The following CSMD1 variants were observed in gnomAD, a reference collection of about 807,000 sequenced individuals.
The protein encoded by CSMD1 is CUB and Sushi multiple domains 1, also known as CUB and sushi domain-containing protein 1.
A neutral mutation model predicts 417.5 loss-of-function variants in CSMD1; 213 were observed. The ratio of observed to expected loss-of-function variants is 0.51; its 90% CI spans 0.46 to 0.57. The LOEUF (loss-of-function observed/expected upper bound fraction) is 0.57. Ranked by LOEUF, CSMD1 falls within the 20% of genes least tolerant of loss-of-function variation. The pLI, the probability that CSMD1 is intolerant of heterozygous loss-of-function variation, is 0.00. For synonymous variants in CSMD1, 2,862 were observed against 1,736.8 expected, an observed-to-expected ratio of 1.65 and a Z score of -16.11; for missense variants, 6,923 against 4,529.7, an observed-to-expected ratio of 1.53 and a Z score of -15.17.
intron 1 of CSMD1, among the ~76,000 whole-genome samples, chr8:4,966,673 T>A (rs1222941050): frequency 2.6e-5 from 4 of 152,192 alleles, no homozygotes; most frequent in African/African-American, 7.2e-5. Flanking sequence ...TTAAAATTTA[T>A]AATTAAGTTC....
intron 3 of CSMD1, among the ~76,000 whole-genome samples, chr8:4,400,486 C>T (rs1804571926): frequency 6.6e-6 from 1 of 152,194 alleles, no homozygotes; most frequent in Admixed American, 6.5e-5. Flanking sequence ...TTCTTGTGTT[C>T]AGCAACATCA....
At chr8:4,486,232 T>TAC (rs1801403898) in intron 2 of CSMD1, among the ~76,000 whole-genome samples, 1 of 17,160 alleles carries the variant, frequency 5.8e-5, no homozygotes, top group African/African-American at 2.4e-4. Context: ...TATACATACA[T>TAC]ATATATATAT....
At chr8:4,417,396 G>T (rs1409090475) in intron 3 of CSMD1, among the ~76,000 whole-genome samples, 1 of 151,808 alleles carries the variant, frequency 6.6e-6, no homozygotes, top group African/African-American at 2.4e-5. Flanking sequence ...TATTCCCAAG[G>T]TTATCATGTT....
intron 10 of CSMD1, among the ~76,000 whole-genome samples, chr8:3,569,311 T>C (rs570686175): frequency 1.3e-5 from 2 of 152,206 alleles, no homozygotes; most frequent in Admixed American, 6.5e-5. Flanking sequence ...GATGCTAAGA[T>C]TCCGCAAGTA....
rs568154141 is a variant in CSMD1 at position 3,447,458 on chromosome 8, T to C, written c.1561+21254A>G. ...TTTAGATAAAGTGGAAAATGAAAAG[T>C]ATTTAGGGTAAGAGCGATGCATATT... On this transcript the variant is annotated intron_variant, in intron 12 of 69. Transcript: ENST00000635120. Among the ~76,000 whole-genome samples, 5 of 152,052 alleles carry C rather than the reference T, an allele frequency of 3.3e-5. 1 individual carries two copies. In the South Asian group the frequency reaches 1.0e-3, roughly 32 times the overall value.
intron 1 of CSMD1, among the ~76,000 whole-genome samples, chr8:4,758,153 T>G (rs964895676): frequency 2.6e-5 from 4 of 152,078 alleles, no homozygotes; most frequent in African/African-American, 9.7e-5. Context: ...GGTGGTGTTT[T>G]TCTGCTTGGA....
At chr8:3,039,347 C>G (rs1345783543) in intron 50 of CSMD1, among the ~76,000 whole-genome samples, 1 of 147,506 alleles carries the variant, frequency 6.8e-6, no homozygotes, top group African/African-American at 2.5e-5. Flanking sequence ...TCCTTTCCGC[C>G]TTCCTTCCTT....
rs550648207 is a variant in CSMD1, at chr8:3,456,533, A to C, written c.1561+12179T>G. 2.2e-4 allele frequency among the ~76,000 whole-genome samples: 34 copies of C among 152,266 alleles called. 1 individual carries two copies. The South Asian group carries it at 7.0e-3, about 32-fold the overall frequency. On this transcript the variant is annotated intron_variant, in intron 12 of 69. Coordinates refer to ENST00000635120, the MANE Select transcript of CSMD1 (RefSeq NM_033225.6). ...TCACCATGTGCTTTGTGGTTATCTA[A>C]GTTGGCGCAGTTTTTCACTTAGCAT...
chr8:4,203,199 C>T (rs907249649), intron 3 of CSMD1, among the ~76,000 whole-genome samples: 1 of 152,166 alleles, frequency 6.6e-6, no homozygotes, highest in Non-Finnish European at 1.5e-5. Flanking sequence ...GAGATGCAAC[C>T]TTGCTGGCTT....
chr8:4,363,873 G>T (rs745842186), intron 3 of CSMD1, among the ~76,000 whole-genome samples: 18 of 152,172 alleles, frequency 1.2e-4, no homozygotes, highest in Non-Finnish European at 2.4e-4. Flanking sequence ...CATGGACATA[G>T]AGAGTAAAGG....
intron 3 of CSMD1, among the ~76,000 whole-genome samples, chr8:4,206,098 G>C (rs1176619253): frequency 6.6e-6 from 1 of 152,098 alleles, no homozygotes; most frequent in African/African-American, 2.4e-5. Context: ...GAGTAAATAG[G>C]ATAAACAACG....
At chr8:3,904,193 T>C (rs190305539) in intron 5 of CSMD1, among the ~76,000 whole-genome samples, 26 of 152,336 alleles carry the variant, frequency 1.7e-4, no homozygotes, top group Non-Finnish European at 2.8e-4. Flanking sequence ...AACCGGCCTG[T>C]GTCTCATTCT....
intron 7 of CSMD1, among the ~76,000 whole-genome samples, chr8:3,666,562 C>T (rs573619782): frequency 2.6e-5 from 4 of 152,154 alleles, no homozygotes; most frequent in African/African-American, 9.6e-5. Context: ...TGGCTGTGTC[C>T]CCACCCAAAT....
intron 1 of CSMD1, among the ~76,000 whole-genome samples, chr8:4,799,876 A>C (rs1798182860): frequency 6.6e-6 from 1 of 152,154 alleles, no homozygotes; most frequent in Non-Finnish European, 1.5e-5. Flanking sequence ...AAAGTACTCA[A>C]ACATTCAACA....
chr8:3,981,507 A>AT (rs1813864805), intron 5 of CSMD1, among the ~76,000 whole-genome samples: 1 of 86,560 alleles, frequency 1.2e-5, no homozygotes, highest in Non-Finnish European at 2.5e-5. Context: ...AAGTAAAAAA[A>AT]AAAAAAAAAA....
rs566487789 is a variant in CSMD1, at chr8:4,405,677, G to C, written c.415+14276C>G. ...CCTCGCATGAGACACATCACTCATCGCTAAGCTCCATAAAACAGGATGTGT... is the reference window on the plus strand; with the variant it reads ...CCTCGCATGAGACACATCACTCATCCCTAAGCTCCATAAAACAGGATGTGT... On this transcript the variant is annotated intron_variant, in intron 3 of 69. Coordinates refer to ENST00000635120, the MANE Select transcript of CSMD1 (RefSeq NM_033225.6). Among the ~76,000 whole-genome samples the C allele has an allele frequency of 5.9e-5, 9 of 152,214 alleles. No individual in the cohort carries two copies. In the East Asian group the frequency reaches 1.4e-3, roughly 23 times the overall value.
intron 7 of CSMD1, among the ~76,000 whole-genome samples, chr8:3,637,172 G>C (rs1022505504): frequency 6.6e-6 from 1 of 152,096 alleles, no homozygotes; most frequent in Admixed American, 6.5e-5. Context: ...AATTAACTAG[G>C]ACAATTGTTT....
At chr8:3,608,965 C>A (rs752410114) in intron 8 of CSMD1, among the ~76,000 whole-genome samples, 1 of 152,092 alleles carries the variant, frequency 6.6e-6, no homozygotes, top group Non-Finnish European at 1.5e-5. Context: ...TCAACCATAC[C>A]TTGACTCCTC....
At chr8:2,962,742 T>C (rs1437139535) in intron 60 of CSMD1, 103 bp from the exon 61 acceptor site, 5 of 1,248,282 alleles carry the variant, frequency 4.0e-6, no homozygotes, top group Non-Finnish European at 4.4e-6. Context: ...GCTTTAACTA[T>C]TAAACAAGAA....
Sources: gnomAD v4.1 joint callset for allele counts (sites outside exome capture counted in the v4.1 genomes callset) on GRCh38, gnomAD v4.1.1 for gene constraint, MANE v1.5 for transcripts, NCBI Gene and HGNC (gene_info 2026-07-23, HGNC 2026-07-21) for gene names.